Variants in ATF6B observed in about 807,000 individuals in gnomAD.
ATF6B encodes cyclic AMP-dependent transcription factor ATF-6 beta.
In ATF6B, 50 loss-of-function variants were observed where a neutral mutation model predicts 83.5. The observed-to-expected ratio is 0.60, with a 90% CI of 0.48 to 0.76. The LOEUF is 0.76. ATF6B is among the 30% of genes least tolerant of loss of function. The pLI is 0.00. For missense variants in ATF6B, 790 were observed against 893.8 expected, an observed-to-expected ratio of 0.88 and a Z score of 1.48; for synonymous variants, 344 against 362.8, an observed-to-expected ratio of 0.95 and a Z score of 0.59.
chr6:32,117,802 G>A lies in ATF6B; in HGVS notation c.1424+57C>T. Reference sequence around the variant, plus strand: ...CTTTGGGTCCCCCTCACTGAAAGCGGGGAGAAGACCAACTCATACCCTCAA... The same window carrying A: ...CTTTGGGTCCCCCTCACTGAAAGCGAGGAGAAGACCAACTCATACCCTCAA... On this transcript the variant is annotated intron_variant, in intron 12 of 17. Coordinates refer to ENST00000375203, the MANE Select transcript of ATF6B (RefSeq NM_004381.5). The surrounding 1 kb of genome is among the most constrained non-coding windows in gnomAD (Gnocchi z 5.0). The A allele has an allele frequency of 6.4e-7, 1 of 1,566,044 alleles. No individual in the cohort carries two copies. Among genetic ancestry groups the A allele is most frequent in the Non-Finnish European group, 8.6e-7 (1 of 1,156,346 alleles).
Position 32,118,700 on chromosome 6 carries a change from G to C in ATF6B, c.1244+75C>G, listed in dbSNP as rs939634866. The C allele has an allele frequency of 6.8e-7, 1 of 1,470,640 alleles. No homozygotes were observed. 91.1% of individuals were successfully genotyped at this position (1,470,640 alleles called of 1,614,324 possible). A position where few individuals can be genotyped will look rare whatever the true frequency, so the allele number is the denominator to read the frequency against. The stretch of plus-strand genomic sequence containing the variant: ...TATATAAGCAGAAGGAAATGGCCTG[G>C]GCCAAAGCAGGCAGCTAGGAGGCTG... On this transcript the variant is annotated intron_variant, in intron 11 of 17. Coordinates refer to ENST00000375203, the MANE Select transcript of ATF6B (RefSeq NM_004381.5). The surrounding 1 kb of genome is among the most constrained non-coding windows in gnomAD (Gnocchi z 5.2).
intron 5 of ATF6B, among the ~76,000 whole-genome samples, 166 bp from the exon 6 acceptor site, chr6:32,121,514 C>G (rs946584532): frequency 1.7e-4 from 26 of 152,062 alleles, no homozygotes; most frequent in Admixed American, 5.9e-4. Flanking sequence ...ACCAGCCTGA[C>G]CAACATGGAG....
intron 5 of ATF6B, 38 bp from the exon 6 acceptor site, chr6:32,121,386 G>A (rs1349093503): frequency 1.3e-6 from 2 of 1,577,014 alleles, no homozygotes; most frequent in East Asian, 2.2e-5. Context: ...TGGATATCAT[G>A]TAAACACTGA....
chr6:32,127,163 G>C lies in ATF6B; in HGVS notation c.282C>G (p.Pro94=). Residue 94 remains proline (P), a synonymous_variant, in exon 4 of 18, where the codon CCC becomes CCG. Coordinates refer to ENST00000375203, the MANE Select transcript of ATF6B (RefSeq NM_004381.5). The stretch of plus-strand genomic sequence containing the variant: ...CGGAGCTGAGGGAGGAGGAAGAGCA[G>C]GGGGAAGATGGCTCAGACTTCACCT... ...DLQVKSEPSS[P]CSSSSLSSES... 6.2e-7 allele frequency: 1 copy of C among 1,612,042 alleles called. No homozygotes were observed. The highest frequency in any genetic ancestry group is 8.5e-7 in the Non-Finnish European group (1 of 1,179,336).
intron 8 of ATF6B, 35 bp downstream of exon 8, chr6:32,120,736 C>T (rs1246249007): frequency 1.9e-6 from 3 of 1,601,502 alleles, no homozygotes; most frequent in Non-Finnish European, 2.6e-6. Context: ...CCGGCGTGAG[C>T]CACCATGCCC....
At position 32,117,534 on chromosome 6, in the gene ATF6B, A is replaced by C; in HGVS notation, c.1532+53T>G. On this transcript the variant is annotated intron_variant, in intron 13 of 17. Coordinates refer to ENST00000375203, the MANE Select transcript of ATF6B (RefSeq NM_004381.5). The surrounding 1 kb of genome is among the most constrained non-coding windows in gnomAD (Gnocchi z 5.0). The stretch of plus-strand genomic sequence containing the variant: ...TACACAGGCCAGCCAGGCTGACTGC[A>C]GAAGGCCTTGGGAGGCCGGGGGAGC... The C allele has an allele frequency of 3.1e-6, 5 of 1,599,572 alleles. No individual in the cohort carries two copies. The highest frequency in any genetic ancestry group is 4.3e-6 in the Non-Finnish European group (5 of 1,169,586).
In ATF6B at chr6:32,116,584, G is replaced by A. The variant is rs2127331012; in HGVS notation, c.1798-20C>T. The A allele has an allele frequency of 6.3e-7, 1 of 1,597,968 alleles. No individual in the cohort carries two copies. The highest frequency in any genetic ancestry group is 8.5e-7 in the Non-Finnish European group (1 of 1,170,316). The stretch of plus-strand genomic sequence containing the variant: ...GTGGTCCTGGGGAACAGATGGGCCA[G>A]GCCAGAAGGGTGGAGGCAAAGATGC... On this transcript the variant is annotated intron_variant, in intron 16 of 17. Transcript: ENST00000375203. The surrounding 1 kb of genome is among the most constrained non-coding windows in gnomAD (Gnocchi z 5.1).
chr6:32,117,886 G>A lies in ATF6B; in HGVS notation c.1397C>T (p.Pro466Leu), dbSNP rs773465509. 3 of 1,575,448 alleles carry A rather than the reference G, an allele frequency of 1.9e-6. No individual in the cohort carries two copies. The highest frequency in any genetic ancestry group is 3.7e-5 in the Admixed American group (2 of 53,782). ...GSSQGPKEPQ[P>L]SPTDQPSFSN... is the part of the protein sequence containing the mutation. ...GAAACTGGGCTGGTCTGTGGGGCTG[G>A]GCTGGGGCTCCTTAGGGCCCTGGGA... is the stretch of plus-strand genomic sequence containing the variant. The change falls in exon 12 of 18, where the codon CCC becomes CTC. Residue 466 changes from proline (P) to leucine (L), a missense_variant. Around this residue, in one of 3 missense-constraint regions of ATF6B, gnomAD observed 530 missense variants for 632.6 expected, o/e 0.84. Coordinates refer to ENST00000375203, the MANE Select transcript of ATF6B (RefSeq NM_004381.5). This position sits in a 1 kb window ranked among gnomAD's most constrained non-coding sequence, Gnocchi z 5.0.
chr6:32,127,797 T>TACAGATCGC (rs1561772677), intron 1 of ATF6B, 47 bp from the exon 2 acceptor site: 1 of 1,589,218 alleles, frequency 6.3e-7, no homozygotes, highest in Non-Finnish European at 8.6e-7. Context: ...GGCCCCAGCC[T>TACAGATCGC]ACAGATCGCA....
In ATF6B at chr6:32,122,645, G is replaced by A. The variant is rs1044478124; in HGVS notation, c.479-1297C>T. On this transcript the variant is annotated intron_variant, in intron 5 of 17. Transcript: ENST00000375203. The stretch of plus-strand genomic sequence containing the variant: ...AGGTGGATCACGAGGTCAGGAGATC[G>A]AGACCATCCTGGCTAACACGGTGAA... Among the ~76,000 whole-genome samples, 4 of 147,536 alleles carry A rather than the reference G, an allele frequency of 2.7e-5. No individual in the cohort carries two copies. The Admixed American group carries it at 2.7e-4, about 10-fold the overall frequency.
At chr6:32,126,075 C>A (rs777859609) in intron 5 of ATF6B, 42 bp downstream of exon 5, 2 of 1,612,244 alleles carry the variant, frequency 1.2e-6, no homozygotes, top group African/African-American at 1.3e-5. Flanking sequence ...AACACATTCT[C>A]CCGTAGTAGA....
Position 32,117,509 on chromosome 6 carries a change from T to C in ATF6B, c.1532+78A>G, listed in dbSNP as rs1175438665. Reference sequence around the variant, plus strand: ...AGGGCAGGGAGCACTGGCGCTTTAGTACACAGGCCAGCCAGGCTGACTGCA... The same window carrying C: ...AGGGCAGGGAGCACTGGCGCTTTAGCACACAGGCCAGCCAGGCTGACTGCA... On this transcript the variant is annotated intron_variant, in intron 13 of 17. Coordinates refer to ENST00000375203, the MANE Select transcript of ATF6B (RefSeq NM_004381.5). The surrounding 1 kb of genome is among the most constrained non-coding windows in gnomAD (Gnocchi z 5.0). 1 of 1,592,884 alleles carries C rather than the reference T, an allele frequency of 6.3e-7. No homozygotes were observed. Among genetic ancestry groups the C allele is most frequent in the Non-Finnish European group, 8.6e-7 (1 of 1,165,326 alleles).
Position 32,125,960 on chromosome 6 carries a change from T to A in ATF6B, c.478+157A>T, listed in dbSNP as rs1208159953. ...GGTTCCCTGAAATGTTTCCTCTCCTTCCTGCCTTCCCTCCTGGTTTTCTGC... is the reference window on the plus strand; with the variant it reads ...GGTTCCCTGAAATGTTTCCTCTCCTACCTGCCTTCCCTCCTGGTTTTCTGC... On this transcript the variant is annotated intron_variant, in intron 5 of 17. Transcript: ENST00000375203. This position sits in a 1 kb window ranked among gnomAD's most constrained non-coding sequence, Gnocchi z 4.1. 1 of 1,084,772 alleles carries A rather than the reference T, an allele frequency of 9.2e-7. No homozygotes were observed. Among genetic ancestry groups the A allele is most frequent in the Non-Finnish European group, 1.3e-6 (1 of 762,740 alleles). The allele number at this position is 1,084,772 out of a possible 1,614,324, so 67.2% of individuals were successfully genotyped here.
rs1408936663 is a variant in ATF6B, at chr6:32,116,197, A to C, written c.1883-229T>G. Among the ~76,000 whole-genome samples the C allele has an allele frequency of 2.0e-5, 3 of 152,168 alleles. No individual in the cohort carries two copies. The highest frequency in any genetic ancestry group is 7.2e-5 in the African/African-American group (3 of 41,416). On this transcript the variant is annotated intron_variant, in intron 17 of 17. Coordinates refer to ENST00000375203, the MANE Select transcript of ATF6B (RefSeq NM_004381.5). This position sits in a 1 kb window ranked among gnomAD's most constrained non-coding sequence, Gnocchi z 5.1. ...GGCATTGAGTGTGGGGTCACACAGG[A>C]GAGGACATCAAGAGAAAAAAGTAAG...
chr6:32,115,916 G>A lies in ATF6B; in HGVS notation c.1935C>T (p.Ile645=), dbSNP rs1461989256. The change falls in exon 18 of 18, where the codon ATC becomes ATT. Residue 645 remains isoleucine (I), a synonymous_variant. Coordinates refer to ENST00000375203, the MANE Select transcript of ATF6B (RefSeq NM_004381.5). ...CCCTGGTGTCCATGACCTCACACTC[G>A]ATCTGCATCATCTCCTCATAGTCCC... ...APGDYEEMMQ[I]ECEVMDTRVI... is the part of the protein sequence containing the mutation. The A allele has an allele frequency of 1.2e-6, 2 of 1,614,110 alleles. No homozygotes were observed. The highest frequency in any genetic ancestry group is 1.7e-5 in the Admixed American group (1 of 60,018).
Position 32,116,730 on chromosome 6 carries a change from T to C in ATF6B, c.1771A>G (p.Thr591Ala). 6.2e-7 allele frequency: 1 copy of C among 1,614,116 alleles called. No homozygotes were observed. Among genetic ancestry groups the C allele is most frequent in the Non-Finnish European group, 8.5e-7 (1 of 1,180,002 alleles). ...FLDAIDRREDTFYVVSFRRDH... is the reference protein window; with the variant it reads ...FLDAIDRREDAFYVVSFRRDH... Reference sequence around the variant, plus strand: ...CTTCGGAAAGAGACAACATAAAATGTGTCTTCCCGTCGGTCAATTGCATCC... The same window carrying C: ...CTTCGGAAAGAGACAACATAAAATGCGTCTTCCCGTCGGTCAATTGCATCC... The change falls in exon 16 of 18, where the codon ACA becomes GCA. Residue 591 changes from threonine to alanine, a missense_variant. By Grantham distance (58) the Thr-to-Ala change is moderately conservative. Coordinates refer to ENST00000375203, the MANE Select transcript of ATF6B (RefSeq NM_004381.5). The surrounding 1 kb of genome is among the most constrained non-coding windows in gnomAD (Gnocchi z 5.1).
Position 32,116,442 on chromosome 6 carries a change from G to A in ATF6B, c.1882+38C>T, listed in dbSNP as rs1781531720. The A allele has an allele frequency of 3.2e-6, 5 of 1,585,868 alleles. No homozygotes were observed. The highest frequency in any genetic ancestry group is 1.3e-5 in the African/African-American group (1 of 74,230). The stretch of plus-strand genomic sequence containing the variant: ...CTCAGCTCCCAGGCTGGATCTCCCT[G>A]TTGGAACTGCCCCCATACCCAGCAG... On this transcript the variant is annotated intron_variant, in intron 17 of 17. Transcript: ENST00000375203. This position sits in a 1 kb window ranked among gnomAD's most constrained non-coding sequence, Gnocchi z 5.1.
rs368079808 is a variant in ATF6B, at chr6:32,116,891, G to A, written c.1686-76C>T. ...TTTCTACCAGGGAAGCGGGTAGGAT[G>A]AGAGAAAAAGACAGGAGACCCCCAG... On this transcript the variant is annotated intron_variant, in intron 15 of 17. Coordinates refer to ENST00000375203, the MANE Select transcript of ATF6B (RefSeq NM_004381.5). This position sits in a 1 kb window ranked among gnomAD's most constrained non-coding sequence, Gnocchi z 5.1. 2 of 1,553,302 alleles carry A rather than the reference G, an allele frequency of 1.3e-6. No individual in the cohort carries two copies. Among genetic ancestry groups the A allele is most frequent in the South Asian group, 2.2e-5 (2 of 89,580 alleles).
Position 32,119,720 on chromosome 6 carries a change from C to G in ATF6B, c.966+104G>C, listed in dbSNP as rs931794393. On this transcript the variant is annotated intron_variant, in intron 9 of 17. Coordinates refer to ENST00000375203, the MANE Select transcript of ATF6B (RefSeq NM_004381.5). The surrounding 1 kb of genome is among the most constrained non-coding windows in gnomAD (Gnocchi z 4.9). ...AATGGGTCCGTTTCCTCACTTTTTT[C>G]TCCTAGGTATCGACTCCCTCCTCAT... 6.7e-7 allele frequency: 1 copy of G among 1,494,588 alleles called. No individual in the cohort carries two copies. Among genetic ancestry groups the G allele is most frequent in the Non-Finnish European group, 9.0e-7 (1 of 1,109,530 alleles). The allele number at this position is 1,494,588 out of a possible 1,614,324, so 92.6% of individuals were successfully genotyped here.
Sources: allele counts gnomAD v4.1 joint callset (sites outside exome capture counted in the v4.1 genomes callset), GRCh38; gene constraint gnomAD v4.1.1; regional missense constraint gnomAD v4.1.1; non-coding constraint Gnocchi (gnomAD v3.1); transcripts MANE v1.5; gene names NCBI Gene and HGNC (gene_info 2026-07-23, HGNC 2026-07-21).